FEZ1: variants seen among roughly 807,000 people sequenced by gnomAD.
FEZ1 encodes fasciculation and elongation protein zeta-1.
In FEZ1, 20 loss-of-function variants were observed where a neutral mutation model predicts 49.3. The observed-to-expected ratio is 0.41, with a 90% CI of 0.29 to 0.59. The LOEUF is 0.59. Among genes scored for constraint, FEZ1 ranks in the 20% least tolerant of loss-of-function variants. The pLI is 0.36. For missense variants in FEZ1, 413 were observed against 476.0 expected, an observed-to-expected ratio of 0.87 and a Z score of 1.23; for synonymous variants, 170 against 180.9, an observed-to-expected ratio of 0.94 and a Z score of 0.48.
At chr11:125,448,640 A>C (rs866661627) in intron 8 of FEZ1, 73 bp from the exon 9 acceptor site, 2 of 906,248 alleles carry the variant, frequency 2.2e-6, no homozygotes, top group Middle Eastern at 4.3e-4. Flanking sequence ...CACATGACCC[A>C]CCAGCCCAGA....
chr11:125,471,055 G>A (rs1468876717), intron 3 of FEZ1, among the ~76,000 whole-genome samples: 1 of 152,084 alleles, frequency 6.6e-6, no homozygotes, highest in African/African-American at 2.4e-5. Context: ...AATGTATAGT[G>A]TAACCCCTAG....
chr11:125,462,407 G>A (rs1417760575), intron 4 of FEZ1, among the ~76,000 whole-genome samples: 1 of 152,184 alleles, frequency 6.6e-6, no homozygotes, highest in Non-Finnish European at 1.5e-5. Context: ...CCTTTCGGAA[G>A]GCCCAAAATT....
At chr11:125,454,299 G>T in intron 6 of FEZ1, 89 bp from the exon 7 acceptor site, 2 of 923,330 alleles carry the variant, frequency 2.2e-6, no homozygotes, top group Non-Finnish European at 3.4e-6. Flanking sequence ...GGCTGTCCCA[G>T]ATAACGCCCC....
chr11:125,446,177 T>A (rs34504992), intron 9 of FEZ1, 66 bp from the exon 10 acceptor site: 231,292 of 1,519,260 alleles, frequency 0.15, 18,137 homozygotes, highest in East Asian at 0.28. Flanking sequence ...CTCCGAGCCC[T>A]GGATAGCCCT....
chr11:125,489,457 G>A lies in FEZ1; in HGVS notation c.311+10C>T. ...GACTGAAGCAGGAGAGGGCAATTAA[G>A]ACTTCTTACTCCTCGTCCTGAAGGG... On this transcript the variant is annotated intron_variant, in intron 2 of 9. Transcript: ENST00000278919. The surrounding 1 kb of genome is among the most constrained non-coding windows in gnomAD (Gnocchi z 4.2). 6.2e-7 allele frequency: 1 copy of A among 1,604,302 alleles called. No homozygotes were observed. The highest frequency in any genetic ancestry group is 8.5e-7 in the Non-Finnish European group (1 of 1,175,798).
intron 1 of FEZ1, among the ~76,000 whole-genome samples, chr11:125,491,760 G>A (rs954531636): frequency 1.3e-5 from 2 of 152,146 alleles, no homozygotes; most frequent in African/African-American, 4.8e-5. Context: ...GATTTTGCTG[G>A]GATTAAGTTG....
intron 1 of FEZ1, among the ~76,000 whole-genome samples, chr11:125,493,844 G>A (rs1322894561): frequency 6.6e-6 from 1 of 152,128 alleles, no homozygotes; most frequent in East Asian, 1.9e-4. Flanking sequence ...ACACCAGTGG[G>A]GTTTCTGATT....
intron 3 of FEZ1, among the ~76,000 whole-genome samples, chr11:125,480,078 T>A (rs1258349888): frequency 6.6e-6 from 1 of 151,932 alleles, no homozygotes; most frequent in Non-Finnish European, 1.5e-5. Context: ...CTTGGTTGAG[T>A]TTCATAAACA....
chr11:125,455,886 C>A lies in FEZ1; in HGVS notation c.888G>T (p.Gly296=), dbSNP rs1321810258. The A allele has an allele frequency of 6.2e-7, 1 of 1,613,730 alleles. No individual in the cohort carries two copies. The highest frequency in any genetic ancestry group is 8.5e-7 in the Non-Finnish European group (1 of 1,179,996). ...ELMKKRRKEK[G]LSLQSSRIEK... ...CTATCCGGCTGCTCTGCAGGCTCAG[C>A]CCTTTCTCTTTCCGCCTCTTTTTCA... Residue 296 remains glycine (G), a synonymous_variant, in exon 6 of 10, where the codon GGG becomes GGT. Coordinates refer to ENST00000278919, the MANE Select transcript of FEZ1 (RefSeq NM_005103.5).
chr11:125,490,974 G>A (rs1392096340), intron 1 of FEZ1, among the ~76,000 whole-genome samples: 1 of 152,018 alleles, frequency 6.6e-6, no homozygotes, highest in African/African-American at 2.4e-5. Flanking sequence ...GGCTGGTCTC[G>A]AACTCCTGAC....
In FEZ1 at chr11:125,444,369, T is replaced by C. The variant is rs1956879229; in HGVS notation, c.*1726A>G. 1.3e-5 allele frequency among the ~76,000 whole-genome samples: 2 copies of C among 152,166 alleles called. No individual in the cohort carries two copies. The highest frequency in any genetic ancestry group is 4.1e-4 in the South Asian group (2 of 4,828). On this transcript the variant is annotated 3_prime_UTR_variant, in exon 10 of 10. Transcript: ENST00000278919. ...GGGAAGCCTAGGAGGGCAGATCGCC[T>C]GAGGTCGGGAGTTCGAGACCAACCT...
At chr11:125,492,264 A>G (rs1420444661) in intron 1 of FEZ1, among the ~76,000 whole-genome samples, 2 of 152,268 alleles carry the variant, frequency 1.3e-5, no homozygotes, top group Admixed American at 1.3e-4. Flanking sequence ...ACAGCTCTAA[A>G]GCAAACACAA....
intron 3 of FEZ1, among the ~76,000 whole-genome samples, chr11:125,473,401 T>C (rs1030816057): frequency 1.6e-4 from 25 of 152,192 alleles, no homozygotes; most frequent in South Asian, 4.1e-4. Flanking sequence ...GTCCCAGCAA[T>C]TGGGGAGGCT....
chr11:125,452,308 T>G, intron 8 of FEZ1, 26 bp downstream of exon 8: 1 of 1,496,726 alleles, frequency 6.7e-7, no homozygotes, highest in Non-Finnish European at 9.3e-7. Flanking sequence ...GAGCCACTGA[T>G]CTGGCTGAGA....
intron 3 of FEZ1, among the ~76,000 whole-genome samples, chr11:125,464,506 G>A (rs536496198): frequency 1.3e-5 from 2 of 152,164 alleles, no homozygotes; most frequent in Non-Finnish European, 2.9e-5. Context: ...TCCTCCTTGC[G>A]CTCCAGTAGC....
chr11:125,445,858 T>A lies in FEZ1; in HGVS notation c.*237A>T. 3.5e-6 allele frequency: 2 copies of A among 568,294 alleles called. No individual in the cohort carries two copies. Among genetic ancestry groups the A allele is most frequent in the Non-Finnish European group, 6.6e-6 (2 of 305,276 alleles). The allele number at this position is 568,294 out of a possible 1,614,324, so 35.2% of individuals were successfully genotyped here. On this transcript the variant is annotated 3_prime_UTR_variant, in exon 10 of 10. Coordinates refer to ENST00000278919, the MANE Select transcript of FEZ1 (RefSeq NM_005103.5). The surrounding 1 kb of genome is among the most constrained non-coding windows in gnomAD (Gnocchi z 4.4). ...AGCGGTGAAAGCGGCTGCCTTCCCC[T>A]CTCCTGACACCAGCAAGGGGGAGGC... is the stretch of plus-strand genomic sequence containing the variant.
At position 125,489,529 on chromosome 11, in the gene FEZ1, G is replaced by C. The variant is rs147711169; in HGVS notation, c.249C>G (p.Asn83Lys). Reference sequence around the variant, plus strand: ...GTAACTGGTTCTTCACGGGAGCTAGGTTCTCGGTCTTGGCGTTGTAGTTCC... The same window carrying C: ...GTAACTGGTTCTTCACGGGAGCTAGCTTCTCGGTCTTGGCGTTGTAGTTCC... ...CFRNYNAKTENLAPVKNQLQI... is the reference protein window; with the variant it reads ...CFRNYNAKTEKLAPVKNQLQI... Residue 83 changes from asparagine to lysine, a missense_variant, in exon 2 of 10, where the codon AAC becomes AAG. By Grantham distance (94) the Asn-to-Lys change is moderately conservative. Coordinates refer to ENST00000278919, the MANE Select transcript of FEZ1 (RefSeq NM_005103.5). This position sits in a 1 kb window ranked among gnomAD's most constrained non-coding sequence, Gnocchi z 4.2. 4 of 1,614,020 alleles carry C rather than the reference G, an allele frequency of 2.5e-6. No homozygotes were observed. In the African/African-American group the frequency reaches 5.3e-5, roughly 22 times the overall value.
intron 2 of FEZ1, among the ~76,000 whole-genome samples, chr11:125,487,205 G>C (rs372170054): frequency 5.3e-5 from 8 of 152,154 alleles, no homozygotes; most frequent in East Asian, 3.8e-4. Context: ...GTTTTGATAG[G>C]GGGGAAATGA....
chr11:125,447,789 T>A (rs2135733870), intron 9 of FEZ1, among the ~76,000 whole-genome samples: 1 of 147,586 alleles, frequency 6.8e-6, no homozygotes, highest in Admixed American at 6.9e-5. Context: ...GCCATTGCAC[T>A]CCAGACTGGG....
Sources: gnomAD v4.1 joint callset for allele counts (sites outside exome capture counted in the v4.1 genomes callset) on GRCh38, gnomAD v4.1.1 for gene constraint, Gnocchi (gnomAD v3.1) non-coding constraint, MANE v1.5 for transcripts, NCBI Gene and HGNC (gene_info 2026-07-23, HGNC 2026-07-21) for gene names.